The following CDC14A variants were observed in gnomAD, a reference collection of about 807,000 sequenced individuals.
CDC14A encodes the protein dual specificity protein phosphatase CDC14A.
Under a neutral mutation model 74.4 loss-of-function variants are expected in CDC14A, and 53 were observed. The ratio of observed to expected loss-of-function variants is 0.71; its 90% CI spans 0.57 to 0.89. CDC14A has a LOEUF of 0.89. Among genes scored for constraint, CDC14A ranks in the 40% least tolerant of loss-of-function variants. The pLI is 0.00. For synonymous variants in CDC14A, 247 were observed against 258.4 expected, an observed-to-expected ratio of 0.96 and a Z score of 0.43; for missense variants, 646 against 713.7, an observed-to-expected ratio of 0.91 and a Z score of 1.08.
At chr1:100,459,122 C>CAGAGAGAGAGAGAGAGAGAG (rs1474410623) in intron 8 of CDC14A, among the ~76,000 whole-genome samples, 218 of 146,638 alleles carry the variant, frequency 1.5e-3, no homozygotes, top group African/African-American at 5.2e-3. Context: ...CACACACACA[C>CAGAGAGAGAGAGAGAGAGAG]ACACAGAGAG....
At chr1:100,457,531 T>G (rs556813361) in intron 8 of CDC14A, among the ~76,000 whole-genome samples, 1 of 152,172 alleles carries the variant, frequency 6.6e-6, no homozygotes, top group African/African-American at 2.4e-5. Flanking sequence ...TGATCATAGC[T>G]CATTGCAACC....
At chr1:100,421,102 T>C (rs1248378624) in intron 4 of CDC14A, among the ~76,000 whole-genome samples, 1 of 152,212 alleles carries the variant, frequency 6.6e-6, no homozygotes, top group Non-Finnish European at 1.5e-5. Flanking sequence ...AATGATGTGG[T>C]ACACCAAACA....
upstream of CDC14A, chr1:100,351,817 A>G (rs771084982): frequency 5.8e-6 from 9 of 1,547,674 alleles, no homozygotes; most frequent in South Asian, 6.0e-5. Flanking sequence ...TGGTATGTGT[A>G]GAGGAAACCA....
At chr1:100,484,813 C>T (rs1669866298) in intron 11 of CDC14A, 2 of 987,230 alleles carry the variant, frequency 2.0e-6, no homozygotes, top group Non-Finnish European at 2.4e-6. Context: ...GCTTTGAAAG[C>T]CTCAAATTCA....
intron 2 of CDC14A, among the ~76,000 whole-genome samples, chr1:100,371,389 A>G (rs1379787731): frequency 6.6e-6 from 1 of 152,172 alleles, no homozygotes; most frequent in African/African-American, 2.4e-5. Context: ...CCTAAAGGGA[A>G]TGCTTCCAGC....
chr1:100,369,394 A>C (rs1654113016), intron 2 of CDC14A, among the ~76,000 whole-genome samples: 1 of 152,212 alleles, frequency 6.6e-6, no homozygotes. Flanking sequence ...GGCGTGAGCC[A>C]CTGCCTAGCC....
At chr1:100,412,725 T>TATATATATATATAAAA (rs1553178979) in intron 4 of CDC14A, among the ~76,000 whole-genome samples, 1 of 82,958 alleles carries the variant, frequency 1.2e-5, no homozygotes, top group Non-Finnish European at 2.1e-5. Flanking sequence ...TATATATATT[T>TATATATATATATAAAA]TATATATATA....
Position 100,393,198 on chromosome 1 carries a change from A to C in CDC14A, c.309+2374A>C, listed in dbSNP as rs750124257. 9 of 1,594,450 alleles carry C rather than the reference A, an allele frequency of 5.6e-6. No individual in the cohort carries two copies. In the Admixed American group the frequency reaches 6.7e-5, roughly 12 times the overall value. Reference sequence around the variant, plus strand: ...CAATTTAGATCCAGCTGTGAGTTGCATGTTCTTTCTCTGCCAGTTTAAATC... The same window carrying C: ...CAATTTAGATCCAGCTGTGAGTTGCCTGTTCTTTCTCTGCCAGTTTAAATC... On this transcript the variant is annotated intron_variant, in intron 4 of 15. Transcript: ENST00000336454.
intron 9 of CDC14A, among the ~76,000 whole-genome samples, chr1:100,464,141 TG>T (rs1289414491): frequency 6.6e-6 from 1 of 152,206 alleles, no homozygotes; most frequent in Non-Finnish European, 1.5e-5. Context: ...TGAGCAAAAA[TG>T]GGAAGCTGCG....
chr1:100,515,508 C>G (rs539030947), intron 15 of CDC14A, among the ~76,000 whole-genome samples: 1 of 151,864 alleles, frequency 6.6e-6, no homozygotes, highest in Non-Finnish European at 1.5e-5. Context: ...CTCAACCTCC[C>G]GAGTAGCTGG....
intron 2 of CDC14A, among the ~76,000 whole-genome samples, chr1:100,363,389 A>T (rs116120578): frequency 0.011 from 1,734 of 152,332 alleles, 30 homozygotes; most frequent in African/African-American, 0.04. Flanking sequence ...AGGGCTCCCG[A>T]ACCCTCAGTA....
At chr1:100,411,912 T>C (rs905788037) in intron 4 of CDC14A, among the ~76,000 whole-genome samples, 28 of 152,150 alleles carry the variant, frequency 1.8e-4, no homozygotes, top group Admixed American at 6.5e-4. Flanking sequence ...AGAGATGCCC[T>C]CTTTGGGGTG....
At chr1:100,504,756 T>C (rs1344347010) in intron 15 of CDC14A, 3 of 1,294,194 alleles carry the variant, frequency 2.3e-6, no homozygotes, top group Non-Finnish European at 2.2e-6. Context: ...ATTTCTGTAG[T>C]ATTGTATCTT....
intron 4 of CDC14A, among the ~76,000 whole-genome samples, chr1:100,398,137 G>A (rs534271197): frequency 1.3e-5 from 2 of 152,080 alleles, no homozygotes; most frequent in African/African-American, 4.8e-5. Context: ...TTTTACTTGC[G>A]GTGAGGACTG....
intron 2 of CDC14A, among the ~76,000 whole-genome samples, chr1:100,370,222 G>T (rs984426707): frequency 4.6e-5 from 7 of 151,842 alleles, no homozygotes; most frequent in African/African-American, 1.4e-4. Flanking sequence ...GGGGTCAAGC[G>T]ATCGGCCTGC....
rs530200786 is a variant in CDC14A, at chr1:100,518,288, C to T, written c.*8C>T. 3.1e-6 allele frequency: 5 copies of T among 1,608,028 alleles called. No homozygotes were observed. The East Asian group carries it at 1.1e-4, about 36-fold the overall frequency. On this transcript the variant is annotated 3_prime_UTR_variant, in exon 16 of 16. Coordinates refer to ENST00000336454, the MANE Select transcript of CDC14A (RefSeq NM_003672.4). ...GAATATGTTCATTACTAAGGCCTTG[C>T]CACTCCAGTGAAAGCTGTTCTTCTC... is the stretch of plus-strand genomic sequence containing the variant.
chr1:100,416,524 T>G (rs1661547216), intron 4 of CDC14A, among the ~76,000 whole-genome samples: 1 of 152,172 alleles, frequency 6.6e-6, no homozygotes, highest in Non-Finnish European at 1.5e-5. Flanking sequence ...ACATCTGTAC[T>G]CTATAATCAG....
At chr1:100,497,993 A>G in intron 13 of CDC14A, 92 bp from the exon 14 acceptor site, 1 of 1,365,184 alleles carries the variant, frequency 7.3e-7, no homozygotes, top group East Asian at 2.3e-5. Context: ...TGATATCTTT[A>G]AGATTGATTA....
intron 15 of CDC14A, among the ~76,000 whole-genome samples, chr1:100,505,775 A>G (rs962007449): frequency 2.0e-5 from 3 of 152,196 alleles, no homozygotes; most frequent in Non-Finnish European, 4.4e-5. Context: ...CTATTAAGAA[A>G]TACCTGAGGC....
Sources: allele counts gnomAD v4.1 joint callset (sites outside exome capture counted in the v4.1 genomes callset), GRCh38; gene constraint gnomAD v4.1.1; transcripts MANE v1.5; gene names NCBI Gene and HGNC (gene_info 2026-07-23, HGNC 2026-07-21).